The following NXN variants were observed in gnomAD, a reference collection of about 807,000 sequenced individuals.
NXN encodes nucleoredoxin.
A neutral mutation model predicts 48.6 loss-of-function variants in NXN; 16 were observed. The observed-to-expected ratio is 0.33, with a 90% CI of 0.22 to 0.50. The LOEUF is 0.50. Among genes scored for constraint, NXN ranks in the 20% least tolerant of loss-of-function variants. The pLI, the probability that NXN is intolerant of heterozygous loss-of-function variation, is 0.98. For synonymous variants in NXN, 281 were observed against 269.6 expected, an observed-to-expected ratio of 1.04 and a Z score of -0.41; for missense variants, 492 against 605.5, an observed-to-expected ratio of 0.81 and a Z score of 1.97.
chr17:812,685 T>C (rs922337043), intron 5 of NXN, among the ~76,000 whole-genome samples: 6 of 151,078 alleles, frequency 4.0e-5, no homozygotes, highest in African/African-American at 9.8e-5. Context: ...TGTAGGTGTG[T>C]GCACATATGA....
intron 1 of NXN, among the ~76,000 whole-genome samples, chr17:955,213 G>C (rs1459018666): frequency 6.7e-6 from 1 of 149,356 alleles, no homozygotes; most frequent in Admixed American, 6.7e-5. Context: ...TGTCACCCAG[G>C]CTGGAGTGCA....
chr17:889,146 T>C (rs1458943525), intron 1 of NXN, among the ~76,000 whole-genome samples: 1 of 152,134 alleles, frequency 6.6e-6, no homozygotes, highest in Non-Finnish European at 1.5e-5. Context: ...ACCTGCCAGC[T>C]ATGTGGCACT....
intron 5 of NXN, among the ~76,000 whole-genome samples, chr17:815,589 G>A (rs12941987): frequency 2.7e-5 from 4 of 147,760 alleles, no homozygotes; most frequent in African/African-American, 1.0e-4. Context: ...CCATCCGTAT[G>A]ATGAGGGCGA....
At chr17:843,064 A>AAAGAAAGC (rs1247377678) in intron 1 of NXN, among the ~76,000 whole-genome samples, 2 of 138,132 alleles carry the variant, frequency 1.4e-5, no homozygotes, top group African/African-American at 5.4e-5. Context: ...AAGAAGGAAG[A>AAAGAAAGC]AAGCAAGCAA....
At position 958,369 on chromosome 17, in the gene NXN, G is replaced by A. The variant is rs2069194770; in HGVS notation, c.360+20950C>T. 6.6e-6 allele frequency among the ~76,000 whole-genome samples: 1 copy of A among 152,190 alleles called. No individual in the cohort carries two copies. Among genetic ancestry groups the A allele is most frequent in the Non-Finnish European group, 1.5e-5 (1 of 68,030 alleles). Reference sequence around the variant, plus strand: ...AAGCCTTCAAAAACTGGAAGCAGCAGGGCGCGGTGGCTCGCACCTGTCATC... The same window carrying A: ...AAGCCTTCAAAAACTGGAAGCAGCAAGGCGCGGTGGCTCGCACCTGTCATC... On this transcript the variant is annotated intron_variant, in intron 1 of 7. Coordinates refer to ENST00000336868, the MANE Select transcript of NXN (RefSeq NM_022463.5). This position sits in a 1 kb window ranked among gnomAD's most constrained non-coding sequence, Gnocchi z 6.9.
chr17:831,240 A>T (rs1597640310), intron 1 of NXN, among the ~76,000 whole-genome samples: 1 of 151,532 alleles, frequency 6.6e-6, no homozygotes, highest in Middle Eastern at 3.5e-3. Flanking sequence ...GGAGCGGATC[A>T]CCCGAGCCCA....
chr17:833,490 T>C (rs1913611327), intron 1 of NXN, among the ~76,000 whole-genome samples: 1 of 152,130 alleles, frequency 6.6e-6, no homozygotes, highest in African/African-American at 2.4e-5. Flanking sequence ...TCTGCACCCT[T>C]TCAAGTGTGA....
rs919533858 is a variant in NXN at position 847,157 on chromosome 17, C to T, written c.361-21079G>A. 2.6e-5 allele frequency among the ~76,000 whole-genome samples: 4 copies of T among 152,090 alleles called. No homozygotes were observed. The East Asian group carries it at 5.8e-4, about 22-fold the overall frequency. On this transcript the variant is annotated intron_variant, in intron 1 of 7. Coordinates refer to ENST00000336868, the MANE Select transcript of NXN (RefSeq NM_022463.5). ...TCGGCACCGTCCGTACCTGTCCCCC[C>T]GCGGAGCCACTAGCACTCGGCACAG...
In NXN at chr17:849,806, A is replaced by G. The variant is rs1342520266; in HGVS notation, c.361-23728T>C. Among the ~76,000 whole-genome samples the G allele has an allele frequency of 6.6e-6, 1 of 152,186 alleles. No individual in the cohort carries two copies. The highest frequency in any genetic ancestry group is 1.5e-5 in the Non-Finnish European group (1 of 68,036). ...CAGGCAGGGGTCGCCTTGCTGGGCCAGGGACAGCAGAGAGAAATGGAGCTG... is the reference window on the plus strand; with the variant it reads ...CAGGCAGGGGTCGCCTTGCTGGGCCGGGGACAGCAGAGAGAAATGGAGCTG... On this transcript the variant is annotated intron_variant, in intron 1 of 7. Coordinates refer to ENST00000336868, the MANE Select transcript of NXN (RefSeq NM_022463.5). The surrounding 1 kb of genome is among the most constrained non-coding windows in gnomAD (Gnocchi z 4.2).
intron 1 of NXN, among the ~76,000 whole-genome samples, chr17:897,909 C>G (rs967977143): frequency 7.9e-5 from 12 of 152,170 alleles, no homozygotes; most frequent in African/African-American, 2.9e-4. Flanking sequence ...TCGAACTCCT[C>G]ACCTCAGGTG....
intron 1 of NXN, among the ~76,000 whole-genome samples, chr17:858,716 G>A (rs1226774615): frequency 2.0e-5 from 3 of 150,746 alleles, no homozygotes; most frequent in Non-Finnish European, 2.9e-5. Flanking sequence ...GTGACAGAGC[G>A]AGACTCCGTC....
rs1476606412 is a variant in NXN, at chr17:802,183, G to A, written c.1126-1052C>T. Among the ~76,000 whole-genome samples, 5 of 151,904 alleles carry A rather than the reference G, an allele frequency of 3.3e-5. No homozygotes were observed. In the East Asian group the frequency reaches 5.8e-4, roughly 18 times the overall value. ...GTTGCCCCAGCTGGAGTGAAGTGGC[G>A]CAGTCATAGCTCACTGCAGCCTCCA... On this transcript the variant is annotated intron_variant, in intron 7 of 7. Transcript: ENST00000336868.
chr17:962,328 C>G (rs1386363170), intron 1 of NXN, among the ~76,000 whole-genome samples: 2 of 152,080 alleles, frequency 1.3e-5, no homozygotes, highest in Non-Finnish European at 2.9e-5. Context: ...CAATCTGAAA[C>G]AACTAGGCAT....
chr17:836,346 C>G (rs973446984), intron 1 of NXN, among the ~76,000 whole-genome samples: 1 of 152,186 alleles, frequency 6.6e-6, no homozygotes, highest in Non-Finnish European at 1.5e-5. Flanking sequence ...AGGATTCATC[C>G]GCAAACTCCT....
rs368929187 is a variant in NXN at position 889,034 on chromosome 17, C to T, written c.361-62956G>A. 5.3e-5 allele frequency among the ~76,000 whole-genome samples: 8 copies of T among 150,888 alleles called. No individual in the cohort carries two copies. The East Asian group carries it at 5.9e-4, about 11-fold the overall frequency. On this transcript the variant is annotated intron_variant, in intron 1 of 7. Coordinates refer to ENST00000336868, the MANE Select transcript of NXN (RefSeq NM_022463.5). ...GACTCAGAAGAAACAAGAACCAGAA[C>T]GCTGGGGGTTCTAAGCCTTACAGCA...
rs531964999 is a variant in NXN at position 932,477 on chromosome 17, A to G, written c.360+46842T>C. The stretch of plus-strand genomic sequence containing the variant: ...GAAACCGCAGGTCTTCAGCAAAACA[A>G]AACTCTGAGGCGGCGTTGGGTCCAG... On this transcript the variant is annotated intron_variant, in intron 1 of 7. Transcript: ENST00000336868. This position sits in a 1 kb window ranked among gnomAD's most constrained non-coding sequence, Gnocchi z 4.1. 6.6e-6 allele frequency among the ~76,000 whole-genome samples: 1 copy of G among 152,334 alleles called. No homozygotes were observed. Among genetic ancestry groups the G allele is most frequent in the South Asian group, 2.1e-4 (1 of 4,828 alleles).
At chr17:959,112 G>A in intron 1 of NXN, 1 of 374,624 alleles carries the variant, frequency 2.7e-6, no homozygotes, top group Non-Finnish European at 4.7e-6. Context: ...CTGATGTATG[G>A]CCAGGAGCTG....
chr17:943,493 T>G (rs1425013981), intron 1 of NXN, among the ~76,000 whole-genome samples: 1 of 152,172 alleles, frequency 6.6e-6, no homozygotes, highest in Non-Finnish European at 1.5e-5. Context: ...CAAAAAAAAG[T>G]AACATCTGGT....
At chr17:836,632 C>T (rs1255402609) in intron 1 of NXN, among the ~76,000 whole-genome samples, 2 of 152,160 alleles carry the variant, frequency 1.3e-5, no homozygotes, top group South Asian at 2.1e-4. Context: ...CTGTTCCAGC[C>T]GCTTATTAGT....
Sources: gnomAD v4.1 joint callset for allele counts (sites outside exome capture counted in the v4.1 genomes callset) on GRCh38, gnomAD v4.1.1 for gene constraint, Gnocchi (gnomAD v3.1) non-coding constraint, MANE v1.5 for transcripts, NCBI Gene and HGNC (gene_info 2026-07-23, HGNC 2026-07-21) for gene names.